Variants in LDHD observed in about 807,000 individuals in gnomAD.
The protein encoded by LDHD is D-lactate dehydrogenase, mitochondrial.
A neutral mutation model predicts 52.9 loss-of-function variants in LDHD; 58 were observed. The observed-to-expected ratio is 1.10, with a 90% confidence interval of 0.89 to 1.36. The LOEUF is 1.36. Ranked by LOEUF, LDHD falls within the 40% of genes most tolerant of loss-of-function variation. LDHD has a pLI of 0.00. For synonymous variants in LDHD, 350 were observed against 288.6 expected, an observed-to-expected ratio of 1.21 and a Z score of -2.16; for missense variants, 747 against 668.0, an observed-to-expected ratio of 1.12 and a Z score of -1.30.
rs1440473375 is a variant in LDHD, at chr16:75,112,129, G to C, written c.*227C>G. Reference sequence around the variant, plus strand: ...AGCAGCTTTGCTGGGAACCACCCTGGGTCGTTTACTGAACCAAAGGCTCCT... The same window carrying C: ...AGCAGCTTTGCTGGGAACCACCCTGCGTCGTTTACTGAACCAAAGGCTCCT... On this transcript the variant is annotated 3_prime_UTR_variant, in exon 11 of 11. Coordinates refer to ENST00000450168, the MANE Select transcript of LDHD (RefSeq NM_194436.3). 1.8e-6 allele frequency: 1 copy of C among 549,634 alleles called. No homozygotes were observed. The highest frequency in any genetic ancestry group is 1.9e-5 in the African/African-American group (1 of 52,924). The allele number at this position is 549,634 out of a possible 1,614,324, so 34.0% of individuals were successfully genotyped here. A position where few individuals can be genotyped will look rare whatever the true frequency, so the allele number is the denominator to read the frequency against.
At chr16:75,115,741 T>TC (rs2036540539) in intron 1 of LDHD, 81 bp from the exon 2 acceptor site, 1 of 910,904 alleles carries the variant, frequency 1.1e-6, no homozygotes, top group African/African-American at 1.7e-5. Context: ...GGGGGAGGGC[T>TC]GGGGGCTGGA....
chr16:75,114,491 G>C, intron 5 of LDHD, 35 bp downstream of exon 5: 1 of 1,473,182 alleles, frequency 6.8e-7, no homozygotes, highest in Non-Finnish European at 9.0e-7. Flanking sequence ...CAGTGCCCAG[G>C]GCCAGAGCCC....
At chr16:75,116,109 G>A (rs1387032143) in intron 1 of LDHD, among the ~76,000 whole-genome samples, 1 of 152,140 alleles carries the variant, frequency 6.6e-6, no homozygotes, top group African/African-American at 2.4e-5. Context: ...TCAATAGCCA[G>A]CCCAGCCTGA....
intron 5 of LDHD, 132 bp from the exon 6 acceptor site, chr16:75,114,297 T>G: frequency 5.2e-6 from 8 of 1,525,144 alleles, no homozygotes; most frequent in African/African-American, 4.1e-5. Flanking sequence ...GGGCCCAGTT[T>G]CCCTGGCCCA....
intron 1 of LDHD, among the ~76,000 whole-genome samples, chr16:75,116,437 C>T (rs1012300942): frequency 2.0e-5 from 3 of 152,210 alleles, no homozygotes; most frequent in Non-Finnish European, 2.9e-5. Context: ...CCATTTGACT[C>T]CCCCAGCCCC....
Position 75,115,256 on chromosome 16 carries a change from A to C in LDHD, c.269T>G (p.Val90Gly). ...RLAALCYRQG[V>G]PIIPFGTGTG... ...GCCGGTGCCGAATGGGATGATGGGC[A>C]CACCTTGGCGATAGCACAGGGCTGC... The change falls in exon 3 of 11, where the codon GTG (valine) becomes GGG (glycine). Residue 90 changes from valine to glycine, a missense_variant. Coordinates refer to ENST00000450168, the MANE Select transcript of LDHD (RefSeq NM_194436.3). 6.2e-7 allele frequency: 1 copy of C among 1,613,436 alleles called. No individual in the cohort carries two copies.
At chr16:75,113,017 C>A in intron 8 of LDHD, 93 bp from the exon 9 acceptor site, 1 of 859,720 alleles carries the variant, frequency 1.2e-6, no homozygotes, top group Non-Finnish European at 1.9e-6. Context: ...GGGCACTGGG[C>A]TTCAGCTCTT....
intron 4 of LDHD, 61 bp downstream of exon 4, chr16:75,114,766 C>T: frequency 6.3e-7 from 1 of 1,579,574 alleles, no homozygotes; most frequent in Non-Finnish European, 8.6e-7. Flanking sequence ...CCCCTGAACC[C>T]CAGACACAGC....
chr16:75,112,876 C>T lies in LDHD; in HGVS notation c.1135G>A (p.Val379Met), dbSNP rs777321282. 5.0e-6 allele frequency: 8 copies of T among 1,613,248 alleles called. No homozygotes were observed. Among genetic ancestry groups the T allele is most frequent in the South Asian group, 3.3e-5 (3 of 91,066 alleles). ...TTCAGATCCTCCTTGGTCTGCACCA[C>T]GATCTCCGGCAGCCGGGAGATGGGC... Reference protein sequence around the residue: ...CVPISRLPEIVVQTKEDLNAS... With the variant: ...CVPISRLPEIMVQTKEDLNAS... Residue 379 changes from valine to methionine, a missense_variant, in exon 9 of 11, where the codon GTG (valine) becomes ATG (methionine). Val to Met is a conservative substitution (Grantham distance 21). Transcript: ENST00000450168.
Position 75,115,301 on chromosome 16 carries a change from A to G in LDHD, c.224T>C (p.Val75Ala). 1.2e-6 allele frequency: 2 copies of G among 1,613,588 alleles called. No individual in the cohort carries two copies. Among genetic ancestry groups the G allele is most frequent in the Non-Finnish European group, 1.7e-6 (2 of 1,179,996 alleles). ...PPDAVVWPQN[V>A]EQVSRLAALC... ...GGCTGCCAGCCGGCTGACCTGCTCC[A>G]CGTTCTGGGGCCACACCACAGCATC... Residue 75 changes from valine (V) to alanine (A), a missense_variant, in exon 3 of 11, where the codon GTG (valine) becomes GCG (alanine). Coordinates refer to ENST00000450168, the MANE Select transcript of LDHD (RefSeq NM_194436.3).
chr16:75,114,438 G>T, intron 5 of LDHD, 88 bp downstream of exon 5: 1 of 1,393,698 alleles, frequency 7.2e-7, no homozygotes, highest in Non-Finnish European at 9.4e-7. Flanking sequence ...GGGCCGCCAG[G>T]AGGTGCTTTT....
rs373842639 is a variant in LDHD at position 75,113,525 on chromosome 16, C to G, written c.1086+10G>C. On this transcript the variant is annotated intron_variant, in intron 8 of 10. Coordinates refer to ENST00000450168, the MANE Select transcript of LDHD (RefSeq NM_194436.3). ...CTGTGGGCCCCATCTGTACCCCAGCCCCAGCTCACCTTGCAGCCTGGCCGC... is the reference window on the plus strand; with the variant it reads ...CTGTGGGCCCCATCTGTACCCCAGCGCCAGCTCACCTTGCAGCCTGGCCGC... 4 of 1,601,112 alleles carry G rather than the reference C, an allele frequency of 2.5e-6. No homozygotes were observed. The East Asian group carries it at 9.0e-5, about 36-fold the overall frequency.
chr16:75,114,378 C>G, intron 5 of LDHD, 148 bp downstream of exon 5: 1 of 1,381,780 alleles, frequency 7.2e-7, no homozygotes, highest in East Asian at 2.4e-5. Flanking sequence ...CCACTTTGGC[C>G]CAGCTGACAG....
At chr16:75,115,465 A>G in intron 2 of LDHD, 83 bp downstream of exon 2, 1 of 1,583,760 alleles carries the variant, frequency 6.3e-7, no homozygotes, top group Non-Finnish European at 8.7e-7. Context: ...CAGATGAGTG[A>G]GGAGGAAGGC....
At chr16:75,113,332 A>C (rs1018100444) in intron 8 of LDHD, among the ~76,000 whole-genome samples, 5 of 152,212 alleles carry the variant, frequency 3.3e-5, no homozygotes, top group African/African-American at 1.2e-4. Context: ...TTGAGGGCTT[A>C]GCAGACAACT....
chr16:75,113,572 G>A lies in LDHD; in HGVS notation c.1049C>T (p.Ala350Val), dbSNP rs2036458601. The A allele has an allele frequency of 1.2e-6, 2 of 1,612,882 alleles. No individual in the cohort carries two copies. The highest frequency in any genetic ancestry group is 8.5e-7 in the Non-Finnish European group (1 of 1,179,906). ...RSRLWTARHN[A>V]WYAALATRPG... The stretch of plus-strand genomic sequence containing the variant: ...CCGCGTGGCCAGGGCTGCGTACCAG[G>A]CATTGTGCCGTGCTGTCCAAAGCCG... The change falls in exon 8 of 11, where the codon GCC becomes GTC. Residue 350 changes from alanine to valine, a missense_variant. Physicochemically the swap from Ala to Val is moderately conservative, Grantham distance 64. Transcript: ENST00000450168.
rs200440685 is a variant in LDHD, at chr16:75,112,536, G to T, written c.1290-15C>A. 6.4e-5 allele frequency: 103 copies of T among 1,613,126 alleles called. No homozygotes were observed. In the African/African-American group the frequency reaches 1.1e-3, roughly 17 times the overall value. Reference sequence around the variant, plus strand: ...CCAGTGCCCGCCTGGGGGCAGGAAGGAGACATCCTCAGGGGGCTCCCTTTC... The same window carrying T: ...CCAGTGCCCGCCTGGGGGCAGGAAGTAGACATCCTCAGGGGGCTCCCTTTC... On this transcript the variant is annotated splice_polypyrimidine_tract_variant and intron_variant, in intron 10 of 10. Transcript: ENST00000450168.
Position 75,112,261 on chromosome 16 carries a change from A to G in LDHD, c.*95T>C. 1 of 1,406,570 alleles carries G rather than the reference A, an allele frequency of 7.1e-7. No individual in the cohort carries two copies. The highest frequency in any genetic ancestry group is 9.7e-7 in the Non-Finnish European group (1 of 1,028,250). 87.1% of individuals were successfully genotyped at this position (1,406,570 alleles called of 1,614,324 possible). A position where few individuals can be genotyped will look rare whatever the true frequency, so the allele number is the denominator to read the frequency against. ...GGCTCGCTGGCAGGAAGACTGCCTCAGCATCTATTTCCTTGCAGGGGCCGT... is the reference window on the plus strand; with the variant it reads ...GGCTCGCTGGCAGGAAGACTGCCTCGGCATCTATTTCCTTGCAGGGGCCGT... On this transcript the variant is annotated 3_prime_UTR_variant, in exon 11 of 11. Transcript: ENST00000450168.
chr16:75,113,003 CG>C, intron 8 of LDHD, 79 bp from the exon 9 acceptor site: 1 of 1,034,948 alleles, frequency 9.7e-7, no homozygotes, highest in Non-Finnish European at 1.5e-6. Flanking sequence ...GAGGATGGGT[CG>C]GAGGGCACTG....
Sources: gnomAD v4.1 joint callset for allele counts (sites outside exome capture counted in the v4.1 genomes callset) on GRCh38, gnomAD v4.1.1 for gene constraint, MANE v1.5 for transcripts, NCBI Gene and HGNC (gene_info 2026-07-23, HGNC 2026-07-21) for gene names.